Variants in PCDH11X observed in about 807,000 individuals in gnomAD.
PCDH11X encodes protocadherin 11 X-linked.
PCDH11X carries 18 observed loss-of-function variants against 53.3 expected under a neutral mutation model. The observed-to-expected ratio is 0.34, with a 90% CI of 0.23 to 0.50. The LOEUF (loss-of-function observed/expected upper bound fraction) is 0.50, where lower values mean the gene tolerates loss of function less well. Among genes scored for constraint, PCDH11X ranks in the 20% least tolerant of loss-of-function variants. PCDH11X has a pLI of 0.98. For missense variants in PCDH11X, 570 were observed against 1,032.4 expected (o/e 0.55, Z 6.14); for synonymous variants, 279 against 393.3 (o/e 0.71, Z 3.44).
At chrX:92,019,278 A>G (rs1257343235) in intron 6 of PCDH11X, among the ~76,000 whole-genome samples, 5 of 108,880 alleles carry the variant, frequency 4.6e-5, no homozygotes, top group Non-Finnish European at 9.5e-5. Flanking sequence ...GACCCCCTTG[A>G]CCCCACTAAC....
rs1240776516 is a variant in PCDH11X at position 92,157,974 on chromosome X, G to T, written c.3034-43401G>T. ...TCATGCCTGTAATCCCAGCACTTTG[G>T]GGGGCTGAGGTGGGTGGATCACCTG... On this transcript the variant is annotated intron_variant, in intron 6 of 10. Coordinates refer to ENST00000682573, the MANE Select transcript of PCDH11X (RefSeq NM_032968.5). Among the ~76,000 whole-genome samples, 3 of 111,346 alleles carry T rather than the reference G, an allele frequency of 2.7e-5. No homozygotes were observed. In the East Asian group the frequency reaches 8.5e-4, roughly 31 times the overall value.
chrX:92,311,426 T>C (rs892393426), intron 8 of PCDH11X, among the ~76,000 whole-genome samples: 1 of 110,596 alleles, frequency 9.0e-6, no homozygotes, highest in Admixed American at 9.8e-5. Flanking sequence ...CAGGTAATTA[T>C]TATTTGTATA....
chrX:92,375,157 TA>T (rs2070712894), intron 8 of PCDH11X, among the ~76,000 whole-genome samples: 1 of 13,061 alleles, frequency 7.7e-5, no homozygotes, highest in East Asian at 2.2e-3. Context: ...TATATATATA[TA>T]TATATATATT....
intron 6 of PCDH11X, among the ~76,000 whole-genome samples, chrX:92,182,638 T>C (rs1194585302): frequency 9.0e-6 from 1 of 111,638 alleles, no homozygotes; most frequent in Non-Finnish European, 1.9e-5. Context: ...TGATAGTGAA[T>C]AAGTCTCAAG....
At chrX:92,130,354 T>A (rs2064949009) in intron 6 of PCDH11X, among the ~76,000 whole-genome samples, 2 of 110,807 alleles carry the variant, frequency 1.8e-5, no homozygotes, top group Admixed American at 2.0e-4. Flanking sequence ...TTAAAAAAAA[T>A]TTATTATTGA....
At chrX:92,255,579 CT>C (rs2067558962) in intron 7 of PCDH11X, among the ~76,000 whole-genome samples, 1 of 107,303 alleles carries the variant, frequency 9.3e-6, no homozygotes. Context: ...GTTTTATCTA[CT>C]TTTGGTCTTT....
At chrX:92,585,759 TATTTC>T (rs1255975115) in intron 10 of PCDH11X, among the ~76,000 whole-genome samples, 1 of 111,171 alleles carries the variant, frequency 9.0e-6, no homozygotes, top group Non-Finnish European at 1.9e-5. Context: ...TTGAGTGCAT[TATTTC>T]AATAATACCC....
chrX:91,869,521 T>C (rs1159900990), intron 5 of PCDH11X, among the ~76,000 whole-genome samples: 1 of 111,497 alleles, frequency 9.0e-6, no homozygotes, highest in Non-Finnish European at 1.9e-5. Flanking sequence ...AAGTCTGTTC[T>C]AGTACTAGTA....
At chrX:91,847,561 C>T (rs1347692981) in intron 5 of PCDH11X, among the ~76,000 whole-genome samples, 2 of 111,234 alleles carry the variant, frequency 1.8e-5, no homozygotes, top group South Asian at 7.6e-4. Flanking sequence ...CTGAAGGTCT[C>T]GTCTACCTTG....
intron 7 of PCDH11X, among the ~76,000 whole-genome samples, chrX:92,244,560 A>G (rs2067313747): frequency 9.0e-6 from 1 of 111,483 alleles, no homozygotes; most frequent in Non-Finnish European, 1.9e-5. Flanking sequence ...AATGATCGTC[A>G]TCAAAATAAT....
intron 6 of PCDH11X, among the ~76,000 whole-genome samples, chrX:92,185,432 T>A (rs140683558): frequency 0.02 from 2,185 of 111,030 alleles, 49 homozygotes; most frequent in African/African-American, 0.068. Flanking sequence ...AGGGAAATGC[T>A]TCAGAACATT....
At chrX:92,192,504 A>G (rs1387296826) in intron 6 of PCDH11X, among the ~76,000 whole-genome samples, 1 of 108,561 alleles carries the variant, frequency 9.2e-6, no homozygotes, top group East Asian at 2.9e-4. Context: ...CAACACGCCC[A>G]GCTAATTTTT....
At chrX:91,786,457 A>G (rs1935337404) in intron 1 of PCDH11X, among the ~76,000 whole-genome samples, 1 of 92,105 alleles carries the variant, frequency 1.1e-5, no homozygotes, top group Non-Finnish European at 2.1e-5. Flanking sequence ...CTAAAGGAAA[A>G]TTCATTTCTT....
At chrX:92,285,185 C>A (rs779985630) in intron 8 of PCDH11X, among the ~76,000 whole-genome samples, 59 of 106,090 alleles carry the variant, frequency 5.6e-4, no homozygotes, top group African/African-American at 2.0e-3. Flanking sequence ...GACGTGCTGG[C>A]AAAATCTATG....
chrX:92,021,097 A>G (rs1263733771), intron 6 of PCDH11X, among the ~76,000 whole-genome samples: 1 of 110,040 alleles, frequency 9.1e-6, no homozygotes. Context: ...CAATGAAAAA[A>G]TTCTGAAAAC....
intron 10 of PCDH11X, among the ~76,000 whole-genome samples, chrX:92,549,784 T>C (rs11327368): frequency 9.0e-6 from 1 of 111,174 alleles, no homozygotes; most frequent in African/African-American, 3.3e-5. Flanking sequence ...ATATTATTAA[T>C]AGAGCAGCAT....
chrX:92,604,855 T>C (rs1162916284), intron 10 of PCDH11X, among the ~76,000 whole-genome samples: 1 of 109,230 alleles, frequency 9.2e-6, no homozygotes, highest in East Asian at 2.8e-4. Flanking sequence ...CATTTTATCA[T>C]GAAAAAATGG....
chrX:92,008,567 G>A (rs1170698735), intron 6 of PCDH11X, among the ~76,000 whole-genome samples: 1 of 109,558 alleles, frequency 9.1e-6, no homozygotes, highest in African/African-American at 3.3e-5. Flanking sequence ...TGCAACTTTA[G>A]GACATATGAA....
At chrX:91,912,017 T>C (rs1275264551) in intron 6 of PCDH11X, among the ~76,000 whole-genome samples, 1 of 111,908 alleles carries the variant, frequency 8.9e-6, no homozygotes, top group Admixed American at 9.5e-5. Context: ...AATTAATTCA[T>C]TGATATTTAA....
Sources: gnomAD v4.1 joint callset for allele counts (sites outside exome capture counted in the v4.1 genomes callset) on GRCh38, gnomAD v4.1.1 for gene constraint, MANE v1.5 for transcripts, NCBI Gene and HGNC (gene_info 2026-07-23, HGNC 2026-07-21) for gene names.